ADORA2B: variants seen among roughly 807,000 people sequenced by gnomAD.
ADORA2B encodes the protein adenosine A2b receptor, also known as adenosine receptor A2b.
A neutral mutation model predicts 20.8 loss-of-function variants in ADORA2B; 18 were observed. The observed-to-expected ratio is 0.87, with a 90% CI of 0.60 to 1.29. ADORA2B has a LOEUF of 1.29. Among genes scored for constraint, ADORA2B ranks in the 50% most tolerant of loss-of-function variants. The pLI, the probability that ADORA2B is intolerant of heterozygous loss-of-function variation, is 0.00. For synonymous variants in ADORA2B, 179 were observed against 178.3 expected (o/e 1.00, Z -0.03); for missense variants, 441 against 422.7 (o/e 1.04, Z -0.38).
the ADORA2B span, among the ~76,000 whole-genome samples, chr17:15,924,745 A>C: frequency 1.5e-5 from 2 of 130,546 alleles, no homozygotes; most frequent in Admixed American, 7.3e-5. Flanking sequence ...ATCTCAAAAA[A>C]AAAAAAGTTA....
chr17:15,860,710 T>C, the ADORA2B span: 1 of 152,484 alleles, frequency 6.6e-6, no homozygotes, highest in Admixed American at 6.5e-5. Context: ...CAGAAGCATA[T>C]ATATGTTTAT....
the ADORA2B span, among the ~76,000 whole-genome samples, chr17:15,877,201 A>G: frequency 6.6e-6 from 1 of 152,146 alleles, no homozygotes; most frequent in South Asian, 2.1e-4. Flanking sequence ...TTCTAGATGT[A>G]ATGTCACATA....
the ADORA2B span, among the ~76,000 whole-genome samples, chr17:15,860,100 G>A: frequency 2.1e-4 from 32 of 152,284 alleles, no homozygotes; most frequent in Admixed American, 1.0e-3. Context: ...AATTACTGGT[G>A]TATGCAACCC....
At chr17:15,856,143 G>A in the ADORA2B span, among the ~76,000 whole-genome samples, 1 of 151,844 alleles carries the variant, frequency 6.6e-6, no homozygotes, top group Admixed American at 6.5e-5. Flanking sequence ...CCCCCATGCT[G>A]TTCTTCGGAT....
chr17:15,859,899 C>T, the ADORA2B span, among the ~76,000 whole-genome samples: 3 of 152,090 alleles, frequency 2.0e-5, no homozygotes, highest in African/African-American at 7.3e-5. Context: ...AGGAGACCAC[C>T]CCTCATATTG....
chr17:15,942,170 C>T (rs554676801), upstream of ADORA2B, among the ~76,000 whole-genome samples: 1 of 152,032 alleles, frequency 6.6e-6, no homozygotes, highest in South Asian at 2.1e-4. Context: ...AAATGTAATC[C>T]CCAGTGTTGG....
intron 1 of ADORA2B, among the ~76,000 whole-genome samples, chr17:15,961,441 G>A (rs1264863577): frequency 6.6e-6 from 1 of 152,152 alleles, no homozygotes; most frequent in Admixed American, 6.5e-5. Flanking sequence ...CATTAAGTAA[G>A]AAGGACACAA....
At chr17:15,926,587 A>G in the ADORA2B span, among the ~76,000 whole-genome samples, 1 of 152,098 alleles carries the variant, frequency 6.6e-6, no homozygotes. Context: ...GCAGAAGGCC[A>G]ATGTGAGCAG....
the ADORA2B span, among the ~76,000 whole-genome samples, chr17:15,913,835 C>T: frequency 1.3e-5 from 2 of 152,202 alleles, no homozygotes; most frequent in African/African-American, 4.8e-5. Flanking sequence ...ACCCTCATAT[C>T]AGAAAAATAG....
At chr17:15,854,954 G>A in the ADORA2B span, among the ~76,000 whole-genome samples, 1,011 of 150,234 alleles carry the variant, frequency 6.7e-3, 1 homozygote, top group Non-Finnish European at 9.8e-3. Flanking sequence ...TTTTTGAGAC[G>A]GAGTTTTGCT....
the ADORA2B span, among the ~76,000 whole-genome samples, chr17:15,914,873 ACTT>A: frequency 3.3e-5 from 5 of 152,244 alleles, no homozygotes; most frequent in African/African-American, 9.6e-5. Flanking sequence ...TTAGATCCTA[ACTT>A]CTTAGGCAAC....
the ADORA2B span, among the ~76,000 whole-genome samples, chr17:15,884,283 A>T: frequency 6.6e-6 from 1 of 152,220 alleles, no homozygotes; most frequent in East Asian, 1.9e-4. Flanking sequence ...TTCTGTGATG[A>T]TGGGAATGTT....
At chr17:15,870,580 T>G in the ADORA2B span, among the ~76,000 whole-genome samples, 1 of 114,734 alleles carries the variant, frequency 8.7e-6, no homozygotes, top group Middle Eastern at 3.9e-3. Context: ...GCTACTGCAC[T>G]CCATCCTGGA....
the ADORA2B span, among the ~76,000 whole-genome samples, chr17:15,858,142 C>A: frequency 6.6e-6 from 1 of 152,010 alleles, no homozygotes; most frequent in African/African-American, 2.4e-5. Flanking sequence ...ATTGCTGGAT[C>A]ATTTGGTAGT....
chr17:15,953,904 C>T (rs1969936228), intron 1 of ADORA2B, among the ~76,000 whole-genome samples: 1 of 152,158 alleles, frequency 6.6e-6, no homozygotes, highest in South Asian at 2.1e-4. Context: ...TTTCTCATGG[C>T]TTCCTCTGCA....
chr17:15,856,406 G>T, the ADORA2B span, among the ~76,000 whole-genome samples: 1 of 152,268 alleles, frequency 6.6e-6, no homozygotes, highest in Non-Finnish European at 1.5e-5. Flanking sequence ...CTCAGGGAAG[G>T]TCTTTATAGC....
the ADORA2B span, among the ~76,000 whole-genome samples, chr17:15,909,286 C>A: frequency 2.0e-5 from 3 of 152,286 alleles, no homozygotes; most frequent in East Asian, 5.8e-4. Context: ...AAAAAACACA[C>A]ACAGAAACAA....
chr17:15,928,100 G>A, the ADORA2B span, among the ~76,000 whole-genome samples: 4 of 152,224 alleles, frequency 2.6e-5, no homozygotes, highest in East Asian at 7.7e-4. Flanking sequence ...GAGCCACCAC[G>A]CCCGGCCGAG....
chr17:15,875,513 C>T, the ADORA2B span, among the ~76,000 whole-genome samples: 1 of 152,210 alleles, frequency 6.6e-6, no homozygotes, highest in African/African-American at 2.4e-5. Flanking sequence ...GTATACACTG[C>T]TGCTGCTTTT....
Sources: gnomAD v4.1 joint callset for allele counts (sites outside exome capture counted in the v4.1 genomes callset) on GRCh38, gnomAD v4.1.1 for gene constraint, MANE v1.5 for transcripts, NCBI Gene and HGNC (gene_info 2026-07-23, HGNC 2026-07-21) for gene names.